SLC6A4: variants seen among roughly 807,000 people sequenced by gnomAD.
The protein encoded by SLC6A4 is sodium-dependent serotonin transporter.
SLC6A4 carries 22 observed loss-of-function variants against 73.4 expected under a neutral mutation model. That is an observed-to-expected ratio of 0.30 (90% CI 0.21 to 0.43). The LOEUF (loss-of-function observed/expected upper bound fraction) is 0.43. SLC6A4 is among the 20% of genes least tolerant of loss of function. The pLI is 1.00. For synonymous variants in SLC6A4, 270 were observed against 315.5 expected, an observed-to-expected ratio of 0.86 and a Z score of 1.53; for missense variants, 593 against 808.5, an observed-to-expected ratio of 0.73 and a Z score of 3.23.
At chr17:30,217,101 GTT>G (rs1906601499) in intron 6 of SLC6A4, 63 bp downstream of exon 6, 9 of 1,477,420 alleles carry the variant, frequency 6.1e-6, no homozygotes, top group Non-Finnish European at 5.6e-6. Flanking sequence ...AGGCTACTGG[GTT>G]TTGAGTTTGA....
intron 13 of SLC6A4, chr17:30,203,656 T>C (rs907195113): frequency 2.1e-5 from 6 of 291,762 alleles, no homozygotes; most frequent in Admixed American, 4.5e-5. Flanking sequence ...CACAGGCCTC[T>C]GCCCAGGCAA....
chr17:30,214,876 A>ACCCGCCTCGGCCTC (rs895481572), intron 8 of SLC6A4, among the ~76,000 whole-genome samples: 2 of 150,938 alleles, frequency 1.3e-5, no homozygotes, highest in Non-Finnish European at 1.5e-5. Context: ...CTCGTGATCC[A>ACCCGCCTCGGCCTC]CCCGCCTCGG....
rs1436673320 is a variant in SLC6A4 at position 30,230,115 on chromosome 17, A to AGG, written c.-221+5497_-221+5498insCC. On this transcript the variant is annotated intron_variant, in intron 1 of 14. Transcript: ENST00000650711. Reference sequence around the variant, plus strand: ...GAAGAAGAGGAGGAAGAGGAAGAGGAAGAGGAAGAGGAGGAGGAGGAGGAG... The same window carrying AGG: ...GAAGAAGAGGAGGAAGAGGAAGAGGAGGAGAGGAAGAGGAGGAGGAGGAGGAG... 2.2e-3 allele frequency among the ~76,000 whole-genome samples: 317 copies of AGG among 141,358 alleles called. 6 individuals carry two copies. Among genetic ancestry groups the AGG allele is most frequent in the African/African-American group, 8.6e-3 (290 of 33,896 alleles). 92.7% of individuals were successfully genotyped at this position (141,358 alleles called of 152,430 possible).
Position 30,210,514 on chromosome 17 carries a change from CA to C in SLC6A4, c.1449del (p.Phe483LeufsTer7). The C allele has an allele frequency of 6.2e-7, 1 of 1,612,462 alleles. No individual in the cohort carries two copies. Among genetic ancestry groups the C allele is most frequent in the Non-Finnish European group, 8.5e-7 (1 of 1,179,322 alleles). ...TCAAAGCTGAGGGGCATGATACTCA[CA>C]AAAGTCAGGGTGACCAGGGATCCAA... The part of the protein sequence containing the change: ...CFFGSLVTLT[F>X]GGAYVVKLLE... On this transcript the variant is annotated frameshift_variant and splice_region_variant, in exon 11 of 15. Coordinates refer to ENST00000650711, the MANE Select transcript of SLC6A4 (RefSeq NM_001045.6). LOFTEE classifies it high-confidence loss of function.
At position 30,211,188 on chromosome 17, in the gene SLC6A4, C is replaced by T; in HGVS notation, c.1317+124G>A. The T allele has an allele frequency of 1.6e-6, 1 of 644,296 alleles. No homozygotes were observed. The highest frequency in any genetic ancestry group is 2.8e-6 in the Non-Finnish European group (1 of 360,294). 39.9% of individuals were successfully genotyped at this position (644,296 alleles called of 1,614,324 possible). A position where few individuals can be genotyped will look rare whatever the true frequency, so the allele number is the denominator to read the frequency against. On this transcript the variant is annotated intron_variant, in intron 10 of 14. Coordinates refer to ENST00000650711, the MANE Select transcript of SLC6A4 (RefSeq NM_001045.6). The surrounding 1 kb of genome is among the most constrained non-coding windows in gnomAD (Gnocchi z 4.0). ...CGAGGAGTCAGCCGGGGGTCTGGAG[C>T]ACCAGAAGGGAGTAGCCAAAGCTGC...
rs1053920892 is a variant in SLC6A4, at chr17:30,196,369, T to C, written c.*2087A>G. ...GGAACAGACAGAGATTTTCGATTTT[T>C]TTTTTTTAGTTTAATAAAGTTTGAA... On this transcript the variant is annotated 3_prime_UTR_variant, in exon 15 of 15. Coordinates refer to ENST00000650711, the MANE Select transcript of SLC6A4 (RefSeq NM_001045.6). 4 of 152,094 alleles carry C rather than the reference T, an allele frequency of 2.6e-5. No homozygotes were observed. Among genetic ancestry groups the C allele is most frequent in the Admixed American group, 1.3e-4 (2 of 15,268 alleles). The allele number at this position is 152,094 out of a possible 1,614,324, so 9.4% of individuals were successfully genotyped here.
At chr17:30,213,319 T>C (rs1429538481) in intron 8 of SLC6A4, among the ~76,000 whole-genome samples, 73 of 150,946 alleles carry the variant, frequency 4.8e-4, no homozygotes, top group Non-Finnish European at 8.7e-4. Context: ...TTTTTTTTTT[T>C]TGAGACAGAG....
At chr17:30,229,258 C>G (rs778587601) in intron 1 of SLC6A4, among the ~76,000 whole-genome samples, 2 of 152,194 alleles carry the variant, frequency 1.3e-5, no homozygotes, top group Non-Finnish European at 2.9e-5. Flanking sequence ...GCGGTCTGGG[C>G]TCCAAATGTT....
rs964224030 is a variant in SLC6A4, at chr17:30,229,829, G to C, written c.-221+5784C>G. The stretch of plus-strand genomic sequence containing the variant: ...TGAGGTCAGAGTTCGAGACCAGCCT[G>C]ATCAACATGGAGAAACCCTGTCTCT... On this transcript the variant is annotated intron_variant, in intron 1 of 14. Transcript: ENST00000650711. Among the ~76,000 whole-genome samples, 34 of 151,984 alleles carry C rather than the reference G, an allele frequency of 2.2e-4. 1 individual carries two copies. Among genetic ancestry groups the C allele is most frequent in the Non-Finnish European group, 1.6e-4 (11 of 67,982 alleles).
In SLC6A4 at chr17:30,198,419, A is replaced by T. The variant is rs747624530; in HGVS notation, c.*37T>A. 2.5e-6 allele frequency: 3 copies of T among 1,203,348 alleles called. No homozygotes were observed. The Admixed American group carries it at 5.7e-5, about 23-fold the overall frequency. The allele number at this position is 1,203,348 out of a possible 1,614,324, so 74.5% of individuals were successfully genotyped here. On this transcript the variant is annotated 3_prime_UTR_variant, in exon 15 of 15. Transcript: ENST00000650711. ...CGTGCCTCATCAGAACTGGAGGAGG[A>T]GGTTGTGGAGAAGCCTTTTTCCTCT...
chr17:30,215,374 A>G (rs1906538302), intron 8 of SLC6A4, among the ~76,000 whole-genome samples: 1 of 152,238 alleles, frequency 6.6e-6, no homozygotes, highest in Non-Finnish European at 1.5e-5. Flanking sequence ...GAGCGCTGAC[A>G]AAACCGAAGG....
chr17:30,225,346 C>T (rs1906895828), intron 1 of SLC6A4, among the ~76,000 whole-genome samples: 1 of 152,132 alleles, frequency 6.6e-6, no homozygotes, highest in Admixed American at 6.5e-5. Context: ...CAAGCTCCTG[C>T]CTGTGGAGCC....
At chr17:30,218,714 A>G in intron 4 of SLC6A4, 83 bp downstream of exon 4, 2 of 1,471,012 alleles carry the variant, frequency 1.4e-6, no homozygotes, top group South Asian at 1.2e-5. Flanking sequence ...TGATTCCAGA[A>G]GAAGGTCCCC....
chr17:30,210,679 G>C, intron 10 of SLC6A4, 33 bp from the exon 11 acceptor site: 1 of 1,596,132 alleles, frequency 6.3e-7, no homozygotes, highest in Non-Finnish European at 8.5e-7. Flanking sequence ...CACGGTGGAG[G>C]CTTTGGGACA....
chr17:30,215,027 C>CTTTCTTT (rs1567819083), intron 8 of SLC6A4, among the ~76,000 whole-genome samples: 221 of 116,832 alleles, frequency 1.9e-3, no homozygotes, highest in Middle Eastern at 4.3e-3. Flanking sequence ...TTTCTTTTTT[C>CTTTCTTT]TTTCTTTCTT....
rs141337922 is a variant in SLC6A4 at position 30,211,586 on chromosome 17, C to T, written c.1205-162G>A. 3.1e-4 allele frequency among the ~76,000 whole-genome samples: 47 copies of T among 152,328 alleles called. No homozygotes were observed. The East Asian group carries it at 7.5e-3, about 24-fold the overall frequency. The stretch of plus-strand genomic sequence containing the variant: ...CCAAGTGCGTCCTCACACTCTACTC[C>T]GTCTGACGTGGCCACCCCAGTTCCT... On this transcript the variant is annotated intron_variant, in intron 9 of 14. Transcript: ENST00000650711. This position sits in a 1 kb window ranked among gnomAD's most constrained non-coding sequence, Gnocchi z 4.0.
chr17:30,218,247 G>T lies in SLC6A4; in HGVS notation c.569C>A (p.Ser190Tyr), dbSNP rs760222214. 1 of 1,614,236 alleles carries T rather than the reference G, an allele frequency of 6.2e-7. No homozygotes were observed. Among genetic ancestry groups the T allele is most frequent in the Non-Finnish European group, 8.5e-7 (1 of 1,180,038 alleles). The change falls in exon 5 of 15, where the codon TCC becomes TAC. Residue 190 changes from serine to tyrosine, a missense_variant. Physicochemically the swap from Ser to Tyr is moderately radical, Grantham distance 144 (BLOSUM62 -2). Coordinates refer to ENST00000650711, the MANE Select transcript of SLC6A4 (RefSeq NM_001045.6). ...GGTCCAGGGCAGCTGGTCCGTGAAG[G>T]AGGAGATGAGGTAGTATAGCGCCCA... ...MAWALYYLIS[S>Y]FTDQLPWTSC... is the part of the protein sequence containing the mutation.
chr17:30,221,662 C>T lies in SLC6A4; in HGVS notation c.297G>A (p.Leu99=). 1 of 1,614,166 alleles carries T rather than the reference C, an allele frequency of 6.2e-7. No individual in the cohort carries two copies. Among genetic ancestry groups the T allele is most frequent in the Non-Finnish European group, 8.5e-7 (1 of 1,180,018 alleles). ...LLSVIGYAVD[L]GNVWRFPYIC... The stretch of plus-strand genomic sequence containing the variant: ...TGTAGGGGAAGCGCCAGACATTGCC[C>T]AGGTCCACAGCATAGCCAATCACTG... Residue 99 remains leucine (L), a synonymous_variant, in exon 3 of 15, where the codon CTG becomes CTA. Coordinates refer to ENST00000650711, the MANE Select transcript of SLC6A4 (RefSeq NM_001045.6).
chr17:30,229,578 C>G (rs571202056), intron 1 of SLC6A4, among the ~76,000 whole-genome samples: 1 of 152,134 alleles, frequency 6.6e-6, no homozygotes, highest in African/African-American at 2.4e-5. Flanking sequence ...GTTTGTTGTT[C>G]AATTTTAAAA....
Sources: gnomAD v4.1 joint callset for allele counts (sites outside exome capture counted in the v4.1 genomes callset) on GRCh38, gnomAD v4.1.1 for gene constraint, Gnocchi (gnomAD v3.1) non-coding constraint, MANE v1.5 for transcripts, NCBI Gene and HGNC (gene_info 2026-07-23, HGNC 2026-07-21) for gene names.